The following PEX14 variants were observed in gnomAD, a reference collection of about 807,000 sequenced individuals.
PEX14 encodes the protein peroxisomal biogenesis factor 14.
A neutral mutation model predicts 49.5 loss-of-function variants in PEX14; 15 were observed. The ratio of observed to expected loss-of-function variants is 0.30; its 90% CI spans 0.20 to 0.47. The LOEUF is 0.47. Ranked by LOEUF, PEX14 falls within the 20% of genes least tolerant of loss-of-function variation. PEX14 has a pLI of 1.00. For missense variants in PEX14, 398 were observed against 494.8 expected, an observed-to-expected ratio of 0.80 and a Z score of 1.86; for synonymous variants, 210 against 212.7, an observed-to-expected ratio of 0.99 and a Z score of 0.11.
intron 3 of PEX14, among the ~76,000 whole-genome samples, chr1:10,537,934 C>G (rs1638885511): frequency 7.5e-5 from 1 of 13,364 alleles, no homozygotes; most frequent in Admixed American, 1.5e-3. Context: ...AGAGAGAAAA[C>G]TTTTTGTGCA....
intron 3 of PEX14, among the ~76,000 whole-genome samples, chr1:10,571,180 C>T (rs7512495): frequency 0.31 from 46,520 of 151,704 alleles, 7,908 homozygotes; most frequent in Non-Finnish European, 0.38. Flanking sequence ...TTGACATACA[C>T]AATTTTCACT....
intron 4 of PEX14, among the ~76,000 whole-genome samples, chr1:10,606,221 C>T (rs757152769): frequency 2.0e-5 from 3 of 152,258 alleles, no homozygotes; most frequent in Non-Finnish European, 2.9e-5. Flanking sequence ...CTCTGCCTCA[C>T]TGCTCTGCAT....
At chr1:10,549,350 A>G (rs1323152867) in intron 3 of PEX14, among the ~76,000 whole-genome samples, 1 of 152,220 alleles carries the variant, frequency 6.6e-6, no homozygotes, top group Admixed American at 6.5e-5. Context: ...CGGAATTGTG[A>G]ATTAAATTAT....
At chr1:10,535,169 A>G (rs1440322880) in intron 2 of PEX14, among the ~76,000 whole-genome samples, 1 of 152,224 alleles carries the variant, frequency 6.6e-6, no homozygotes, top group Non-Finnish European at 1.5e-5. Flanking sequence ...AATAGCAGTC[A>G]TTTAAAACAG....
chr1:10,524,887 C>T (rs777165428), intron 2 of PEX14, among the ~76,000 whole-genome samples: 20 of 152,298 alleles, frequency 1.3e-4, no homozygotes, highest in South Asian at 2.1e-4. Context: ...AATGGAGTCT[C>T]GTTATGTTGC....
At chr1:10,532,345 G>A (rs888216094) in intron 2 of PEX14, among the ~76,000 whole-genome samples, 1 of 151,960 alleles carries the variant, frequency 6.6e-6, no homozygotes, top group African/African-American at 2.4e-5. Context: ...GTGGTGGCAG[G>A]GTTGTTTTAT....
In PEX14 at chr1:10,590,440, C is replaced by T. The variant is rs113731436; in HGVS notation, c.170-8798C>T. ...TTTTCTTTATTTTCCATGTTTTCTG[C>T]AGTTGACATTTTGTTATCAATATAT... On this transcript the variant is annotated intron_variant, in intron 3 of 8. Coordinates refer to ENST00000356607, the MANE Select transcript of PEX14 (RefSeq NM_004565.3). Among the ~76,000 whole-genome samples the T allele has an allele frequency of 2.4e-3, 372 of 152,226 alleles. 1 individual carries two copies. Among genetic ancestry groups the T allele is most frequent in the African/African-American group, 8.1e-3 (338 of 41,538 alleles).
At chr1:10,626,823 G>A (rs1376269813) in intron 7 of PEX14, among the ~76,000 whole-genome samples, 3 of 152,228 alleles carry the variant, frequency 2.0e-5, no homozygotes, top group Non-Finnish European at 2.9e-5. Flanking sequence ...TTTTCCAGAA[G>A]TAAGATGTAG....
intron 3 of PEX14, among the ~76,000 whole-genome samples, chr1:10,544,784 C>T (rs571975433): frequency 1.3e-5 from 2 of 151,186 alleles, no homozygotes; most frequent in Non-Finnish European, 2.9e-5. Flanking sequence ...TTTTCTGAGA[C>T]AGGATCTTAC....
intron 7 of PEX14, among the ~76,000 whole-genome samples, chr1:10,626,664 G>A (rs1641753313): frequency 1.3e-5 from 2 of 152,230 alleles, no homozygotes; most frequent in South Asian, 4.1e-4. Flanking sequence ...AGATGGCCTG[G>A]GGTGGCCTTC....
chr1:10,516,959 C>G (rs1641979963), intron 2 of PEX14: 1 of 152,252 alleles, frequency 6.6e-6, no homozygotes, highest in Admixed American at 6.5e-5. Flanking sequence ...GATGGCAGAG[C>G]CTTTCTTTGC....
intron 2 of PEX14, among the ~76,000 whole-genome samples, chr1:10,511,287 T>G (rs1641878180): frequency 6.6e-6 from 1 of 152,238 alleles, no homozygotes; most frequent in South Asian, 2.1e-4. Flanking sequence ...TTCTATTTTC[T>G]CCTTTCTTTT....
chr1:10,500,928 T>A (rs759535167), intron 2 of PEX14, among the ~76,000 whole-genome samples: 1 of 152,218 alleles, frequency 6.6e-6, no homozygotes, highest in Admixed American at 6.5e-5. Flanking sequence ...TGTGCACTCA[T>A]GTATGCATGT....
Position 10,495,216 on chromosome 1 carries a change from T to G in PEX14, c.37-58T>G. On this transcript the variant is annotated intron_variant, in intron 1 of 8. Coordinates refer to ENST00000356607, the MANE Select transcript of PEX14 (RefSeq NM_004565.3). The surrounding 1 kb of genome is among the most constrained non-coding windows in gnomAD (Gnocchi z 4.2). ...GTTTGAGAACGGAACATCTTTGGTTTTTTGATGTCCATTGGGTGGCACTGT... is the reference window on the plus strand; with the variant it reads ...GTTTGAGAACGGAACATCTTTGGTTGTTTGATGTCCATTGGGTGGCACTGT... 6.3e-7 allele frequency: 1 copy of G among 1,586,690 alleles called. No homozygotes were observed. Among genetic ancestry groups the G allele is most frequent in the Non-Finnish European group, 8.7e-7 (1 of 1,155,324 alleles).
intron 3 of PEX14, among the ~76,000 whole-genome samples, chr1:10,553,505 C>T (rs774577929): frequency 2.6e-5 from 4 of 152,096 alleles, no homozygotes; most frequent in Non-Finnish European, 5.9e-5. Context: ...TCTTTGACAC[C>T]GACATTGTTA....
chr1:10,609,620 C>T (rs764417619), intron 4 of PEX14, among the ~76,000 whole-genome samples: 2 of 152,168 alleles, frequency 1.3e-5, no homozygotes, highest in Non-Finnish European at 2.9e-5. Flanking sequence ...TGCAGTGGCT[C>T]ATGCCTGTAA....
At chr1:10,619,906 T>C (rs772069545) in intron 5 of PEX14, among the ~76,000 whole-genome samples, 10 of 151,786 alleles carry the variant, frequency 6.6e-5, no homozygotes, top group African/African-American at 2.4e-4. Context: ...ACGAGGTCAG[T>C]AGATCGAGAC....
intron 1 of PEX14, among the ~76,000 whole-genome samples, chr1:10,487,803 T>C (rs544191402): frequency 3.3e-5 from 5 of 151,426 alleles, no homozygotes; most frequent in Admixed American, 2.6e-4. Context: ...GTTTTTGAGG[T>C]TGAGTCTCAC....
At chr1:10,557,598 CA>C (rs1639524917) in intron 3 of PEX14, among the ~76,000 whole-genome samples, 1 of 151,970 alleles carries the variant, frequency 6.6e-6, no homozygotes, top group Admixed American at 6.6e-5. Flanking sequence ...AAACAAAAAG[CA>C]AAAAACCTCA....
Sources: allele counts gnomAD v4.1 joint callset (sites outside exome capture counted in the v4.1 genomes callset), GRCh38; gene constraint gnomAD v4.1.1; non-coding constraint Gnocchi (gnomAD v3.1); transcripts MANE v1.5; gene names NCBI Gene and HGNC (gene_info 2026-07-23, HGNC 2026-07-21).